GNAQ: variants seen among roughly 807,000 people sequenced by gnomAD.
GNAQ encodes the protein guanine nucleotide-binding protein G(q) subunit alpha.
A neutral mutation model predicts 43.9 loss-of-function variants in GNAQ; 8 were observed. The observed-to-expected ratio is 0.18, with a 90% CI of 0.11 to 0.33. The LOEUF is 0.33. GNAQ is among the 10% of genes least tolerant of loss of function. The pLI, the probability that GNAQ is intolerant of heterozygous loss-of-function variation, is 1.00. For missense variants in GNAQ, 158 were observed against 450.8 expected (o/e 0.35, Z 5.88); for synonymous variants, 155 against 170.7 (o/e 0.91, Z 0.71).
intron 1 of GNAQ, chr9:78,030,713 G>C (rs574370835): frequency 1.9e-5 from 7 of 374,060 alleles, no homozygotes; most frequent in African/African-American, 6.3e-5. Context: ...CCGCGGCCAC[G>C]ACACTGGAAG....
At chr9:77,811,868 C>CA (rs1564117815) in intron 3 of GNAQ, among the ~76,000 whole-genome samples, 1 of 152,138 alleles carries the variant, frequency 6.6e-6, no homozygotes, top group African/African-American at 2.4e-5. Context: ...TTTATACACA[C>CA]AACCCCTTAC....
chr9:77,980,056 C>T (rs1342393752), intron 1 of GNAQ, among the ~76,000 whole-genome samples: 4 of 152,172 alleles, frequency 2.6e-5, no homozygotes, highest in Non-Finnish European at 5.9e-5. Flanking sequence ...ACAGAAAGAG[C>T]AACGGCTGTG....
chr9:77,921,914 T>C (rs1190232885), intron 2 of GNAQ, among the ~76,000 whole-genome samples: 3 of 152,234 alleles, frequency 2.0e-5, no homozygotes, highest in Non-Finnish European at 2.9e-5. Context: ...CATCCAAATA[T>C]GCCTTTCATT....
At chr9:77,968,788 A>G (rs1031703780) in intron 1 of GNAQ, among the ~76,000 whole-genome samples, 1 of 152,238 alleles carries the variant, frequency 6.6e-6, no homozygotes, top group Non-Finnish European at 1.5e-5. Flanking sequence ...GGGGCTCTTA[A>G]AGAGGAACTC....
At chr9:77,809,107 T>C (rs1461478843) in intron 3 of GNAQ, among the ~76,000 whole-genome samples, 1 of 152,278 alleles carries the variant, frequency 6.6e-6, no homozygotes, top group East Asian at 1.9e-4. Flanking sequence ...TGCTAGTTCA[T>C]CATCAGACTC....
intron 1 of GNAQ, among the ~76,000 whole-genome samples, chr9:77,972,212 C>A (rs7045868): frequency 7.9e-5 from 12 of 151,858 alleles, no homozygotes; most frequent in African/African-American, 2.9e-4. Flanking sequence ...GATATAATTG[C>A]TTTTCTTTAA....
At chr9:77,967,985 A>T (rs984226284) in intron 1 of GNAQ, among the ~76,000 whole-genome samples, 3 of 152,208 alleles carry the variant, frequency 2.0e-5, no homozygotes, top group African/African-American at 7.2e-5. Context: ...CATCTAAAAA[A>T]AATAATAATA....
At chr9:77,801,786 A>G (rs1826746627) in intron 3 of GNAQ, among the ~76,000 whole-genome samples, 1 of 152,194 alleles carries the variant, frequency 6.6e-6, no homozygotes, top group South Asian at 2.1e-4. Flanking sequence ...AAAGACATAC[A>G]AACTATTTGC....
intron 1 of GNAQ, among the ~76,000 whole-genome samples, chr9:78,016,595 C>A (rs1330504609): frequency 6.6e-6 from 1 of 151,790 alleles, no homozygotes; most frequent in African/African-American, 2.4e-5. Context: ...GGCAGGAGAA[C>A]TGATTGAACC....
chr9:77,990,108 T>A (rs184520761), intron 1 of GNAQ, among the ~76,000 whole-genome samples: 2 of 152,248 alleles, frequency 1.3e-5, no homozygotes, highest in African/African-American at 4.8e-5. Flanking sequence ...GTATTCTTGA[T>A]AAGAAGAAGG....
intron 1 of GNAQ, among the ~76,000 whole-genome samples, chr9:78,020,561 A>G (rs1009712101): frequency 2.0e-5 from 3 of 152,156 alleles, no homozygotes; most frequent in African/African-American, 7.2e-5. Context: ...GGATGTGACA[A>G]TGAGGATGAA....
intron 2 of GNAQ, among the ~76,000 whole-genome samples, chr9:77,863,220 G>GGAAGGAAGGAAGGAAGGA (rs1564133751): frequency 1.2e-4 from 4 of 34,332 alleles, no homozygotes; most frequent in East Asian, 4.8e-4. Flanking sequence ...GGAAGGAAGG[G>GGAAGGAAGGAAGGAAGGA]AGGAAGGAAG....
Position 77,745,580 on chromosome 9 carries a change from AT to A in GNAQ, c.736-16914del, listed in dbSNP as rs1374876211. Among the ~76,000 whole-genome samples the A allele has an allele frequency of 4.7e-5, 7 of 150,470 alleles. No homozygotes were observed. The South Asian group carries it at 8.4e-4, about 18-fold the overall frequency. The stretch of plus-strand genomic sequence containing the variant: ...GATCTCTTAGGATTTCAAAAAAAAA[AT>A]CTTATGATTCAGCAGGTCATGCACA... On this transcript the variant is annotated intron_variant, in intron 5 of 6. Transcript: ENST00000286548.
intron 4 of GNAQ, among the ~76,000 whole-genome samples, chr9:77,795,855 T>A (rs1826649709): frequency 6.6e-6 from 1 of 152,242 alleles, no homozygotes; most frequent in African/African-American, 2.4e-5. Context: ...TCTAAGTCAT[T>A]ACTTTTACTG....
chr9:77,788,572 G>C (rs1239995695), intron 5 of GNAQ, among the ~76,000 whole-genome samples: 1 of 152,112 alleles, frequency 6.6e-6, no homozygotes, highest in Non-Finnish European at 1.5e-5. Flanking sequence ...AATGAATCAG[G>C]GAGGGCTACA....
chr9:77,831,063 A>G (rs1293375958), intron 2 of GNAQ, among the ~76,000 whole-genome samples: 1 of 152,234 alleles, frequency 6.6e-6, no homozygotes, highest in Non-Finnish European at 1.5e-5. Flanking sequence ...TAAGATTGAG[A>G]AAGAATCATG....
intron 2 of GNAQ, among the ~76,000 whole-genome samples, chr9:77,819,636 A>G (rs1267889237): frequency 1.3e-5 from 2 of 152,156 alleles, no homozygotes; most frequent in Non-Finnish European, 2.9e-5. Flanking sequence ...AGAAGACCTC[A>G]AAATCAGAAA....
intron 1 of GNAQ, among the ~76,000 whole-genome samples, chr9:77,937,916 T>TA (rs1291596697): frequency 1.3e-5 from 2 of 152,056 alleles, no homozygotes; most frequent in Non-Finnish European, 2.9e-5. Context: ...AAATAAAATT[T>TA]AAAAAAAGAT....
intron 1 of GNAQ, among the ~76,000 whole-genome samples, chr9:78,025,927 A>G (rs1259242113): frequency 6.6e-6 from 1 of 152,220 alleles, no homozygotes; most frequent in Non-Finnish European, 1.5e-5. Context: ...TAAGTTTAGC[A>G]TAGCACGCAG....
Sources: gnomAD v4.1 joint callset for allele counts (sites outside exome capture counted in the v4.1 genomes callset) on GRCh38, gnomAD v4.1.1 for gene constraint, MANE v1.5 for transcripts, NCBI Gene and HGNC (gene_info 2026-07-23, HGNC 2026-07-21) for gene names.